The following CD163L1 variants were observed in gnomAD, a reference collection of about 807,000 sequenced individuals.
CD163L1 encodes scavenger receptor cysteine-rich type 1 protein M160.
In CD163L1, 124 loss-of-function variants were observed where a neutral mutation model predicts 165.4. That is an observed-to-expected ratio of 0.75 (90% confidence interval 0.65 to 0.87). The LOEUF (loss-of-function observed/expected upper bound fraction) is 0.87, where lower values mean the gene tolerates loss of function less well. CD163L1 is among the 40% of genes least tolerant of loss of function. The pLI is 0.00. For synonymous variants in CD163L1, 585 were observed against 662.2 expected (o/e 0.88, Z 1.79); for missense variants, 1,525 against 1,799.9 (o/e 0.85, Z 2.76).
the CD163L1 span, among the ~76,000 whole-genome samples, chr12:7,335,079 T>C: frequency 1.3e-5 from 2 of 152,244 alleles, no homozygotes; most frequent in South Asian, 2.1e-4. Context: ...AGGTAATTTA[T>C]AGATTCAATG....
intron 4 of CD163L1, among the ~76,000 whole-genome samples, chr12:7,421,081 A>G (rs1423481083): frequency 8.1e-6 from 1 of 123,596 alleles, no homozygotes; most frequent in Non-Finnish European, 1.6e-5. Flanking sequence ...ATACGTATAT[A>G]TATACGTATA....
At chr12:7,390,024 T>C (rs965031704) in intron 8 of CD163L1, among the ~76,000 whole-genome samples, 2 of 148,028 alleles carry the variant, frequency 1.4e-5, no homozygotes, top group Non-Finnish European at 3.0e-5. Context: ...TAAAAAAGAA[T>C]GAAATCTTAC....
Position 7,379,519 on chromosome 12 carries a change from T to C in CD163L1, c.2051-221A>G, listed in dbSNP as rs1179210214. On this transcript the variant is annotated intron_variant, in intron 8 of 19. Coordinates refer to ENST00000313599, the MANE Select transcript of CD163L1 (RefSeq NM_174941.6). ...AATAACAAAAGTACACCAAGGTATG[T>C]TTCAATCCATGAACATTTCTGGCTT... 2.6e-5 allele frequency among the ~76,000 whole-genome samples: 4 copies of C among 152,330 alleles called. No homozygotes were observed. The East Asian group carries it at 5.8e-4, about 22-fold the overall frequency.
Position 7,409,644 on chromosome 12 carries a change from G to A in CD163L1, c.767-2792C>T, listed in dbSNP as rs75003375. On this transcript the variant is annotated intron_variant, in intron 4 of 19. Coordinates refer to ENST00000313599, the MANE Select transcript of CD163L1 (RefSeq NM_174941.6). ...TGCGTGGCCCAATTCCTAACATACC[G>A]TGACCGGTACCAGTTTACAGCCCGG... 5.6e-4 allele frequency among the ~76,000 whole-genome samples: 86 copies of A among 152,262 alleles called. No homozygotes were observed. The East Asian group carries it at 0.015, about 26-fold the overall frequency.
chr12:7,387,679 G>C (rs1947548460), intron 8 of CD163L1, among the ~76,000 whole-genome samples: 1 of 152,176 alleles, frequency 6.6e-6, no homozygotes, highest in African/African-American at 2.4e-5. Flanking sequence ...CCTCACCAGA[G>C]GCAGAGGCTG....
At chr12:7,423,103 AAGAAC>A (rs1948469826) in intron 4 of CD163L1, among the ~76,000 whole-genome samples, 1 of 152,142 alleles carries the variant, frequency 6.6e-6, no homozygotes, top group Non-Finnish European at 1.5e-5. Flanking sequence ...GCAAATGCAA[AAGAAC>A]AGAAATCATA....
chr12:7,388,011 A>G (rs1947558370), intron 8 of CD163L1, among the ~76,000 whole-genome samples: 1 of 152,206 alleles, frequency 6.6e-6, no homozygotes, highest in South Asian at 2.1e-4. Context: ...CAAAGGCACC[A>G]AGAACATACA....
At chr12:7,415,612 T>C (rs1332359017) in intron 4 of CD163L1, among the ~76,000 whole-genome samples, 2 of 152,000 alleles carry the variant, frequency 1.3e-5, no homozygotes, top group East Asian at 3.9e-4. Context: ...GTGTGTGATG[T>C]TTCCCTCCCA....
intron 5 of CD163L1, among the ~76,000 whole-genome samples, chr12:7,404,780 T>C (rs1947985206): frequency 6.6e-6 from 1 of 152,176 alleles, no homozygotes; most frequent in Non-Finnish European, 1.5e-5. Flanking sequence ...TAATGATAGT[T>C]CTCAACCTAT....
rs973803162 is a variant in CD163L1, at chr12:7,373,629, A to G, written c.3421T>C (p.Leu1141=). The G allele has an allele frequency of 1.6e-5, 25 of 1,593,492 alleles. No individual in the cohort carries two copies. Among genetic ancestry groups the G allele is most frequent in the Non-Finnish European group, 2.1e-5 (25 of 1,167,362 alleles). The change falls in exon 14 of 20, where the codon TTG becomes CTG. Residue 1141 remains leucine, a synonymous_variant. Coordinates refer to ENST00000313599, the MANE Select transcript of CD163L1 (RefSeq NM_174941.6). ...GTTTCAGTTTCACTGTAGAGCCTCA[A>G]GGCTGTGAATTCTACAGAGAAATAC... ...AGVICSEFTA[L]RLYSETETES... is the part of the protein sequence containing the mutation.
rs781592155 is a variant in CD163L1 at position 7,441,147 on chromosome 12, A to T, written c.124+7T>A. 5.6e-6 allele frequency: 9 copies of T among 1,602,290 alleles called. No individual in the cohort carries two copies. Among genetic ancestry groups the T allele is most frequent in the Non-Finnish European group, 6.8e-6 (8 of 1,169,262 alleles). On this transcript the variant is annotated splice_region_variant and intron_variant, in intron 2 of 19. Transcript: ENST00000313599. ...AAGCCCAAAAGTTATCATCCATCAG[A>T]ACTCACTAAAACTGCTGATGAGAAA... is the stretch of plus-strand genomic sequence containing the variant.
downstream of CD163L1, among the ~76,000 whole-genome samples, chr12:7,345,851 G>C (rs776604005): frequency 2.6e-5 from 4 of 152,168 alleles, no homozygotes; most frequent in East Asian, 3.9e-4. Flanking sequence ...GAAGGCAAAG[G>C]GGGTAGAGTG....
At chr12:7,343,095 A>C (rs1468291494), downstream of CD163L1, among the ~76,000 whole-genome samples, 1 of 152,124 alleles carries the variant, frequency 6.6e-6, no homozygotes, top group African/African-American at 2.4e-5. Context: ...GGGATGGGGA[A>C]AGAGAGAGGT....
chr12:7,423,565 T>C (rs1324215331), intron 4 of CD163L1, among the ~76,000 whole-genome samples: 2 of 151,264 alleles, frequency 1.3e-5, no homozygotes, highest in African/African-American at 4.9e-5. Context: ...AGATTAACAA[T>C]ATAGATAAAC....
At chr12:7,408,442 A>G (rs1229879719) in intron 4 of CD163L1, among the ~76,000 whole-genome samples, 1 of 152,124 alleles carries the variant, frequency 6.6e-6, no homozygotes, top group East Asian at 1.9e-4. Context: ...CACATTAGCA[A>G]TATTTTTAAA....
At chr12:7,324,419 C>T in the CD163L1 span, 2 of 1,614,028 alleles carry the variant, frequency 1.2e-6, no homozygotes, top group South Asian at 2.2e-5. Context: ...ATTTGCCACT[C>T]TGAAGAGGTA....
chr12:7,380,366 TATACATACATGTATGTGTGTATATGC>T (rs1947367432), intron 8 of CD163L1, among the ~76,000 whole-genome samples: 2 of 146,670 alleles, frequency 1.4e-5, no homozygotes, highest in African/African-American at 5.4e-5. Flanking sequence ...TGTATACGCG[TATACATACATGTATGTGTGTATATGC>T]GTATACACAC....
downstream of CD163L1, among the ~76,000 whole-genome samples, chr12:7,354,135 C>A (rs1044322457): frequency 6.6e-6 from 1 of 151,856 alleles, no homozygotes; most frequent in Non-Finnish European, 1.5e-5. Context: ...GAGCAGAGAC[C>A]CTAAATGAAT....
chr12:7,421,022 T>TCC (rs1260897209), intron 4 of CD163L1, among the ~76,000 whole-genome samples: 2 of 78,430 alleles, frequency 2.6e-5, no homozygotes, highest in African/African-American at 6.4e-5. Context: ...TGTATATATA[T>TCC]ACATATATAT....
Sources: gnomAD v4.1 joint callset for allele counts (sites outside exome capture counted in the v4.1 genomes callset) on GRCh38, gnomAD v4.1.1 for gene constraint, MANE v1.5 for transcripts, NCBI Gene and HGNC (gene_info 2026-07-23, HGNC 2026-07-21) for gene names.